Variants in SPP2 observed in about 807,000 individuals in gnomAD.
SPP2 encodes the protein secreted phosphoprotein 2.
A neutral mutation model predicts 28.8 loss-of-function variants in SPP2; 34 were observed. The observed-to-expected ratio is 1.18, with a 90% CI of 0.90 to 1.57. The LOEUF is 1.57. SPP2 is among the 40% of genes most tolerant of loss of function. The pLI, the probability that SPP2 is intolerant of heterozygous loss-of-function variation, is 0.00. For synonymous variants in SPP2, 96 were observed against 89.4 expected (o/e 1.07, Z -0.42); for missense variants, 269 against 263.9 (o/e 1.02, Z -0.13).
At chr2:234,072,766 G>A (rs1003652597) in intron 7 of SPP2, among the ~76,000 whole-genome samples, 2 of 152,128 alleles carry the variant, frequency 1.3e-5, no homozygotes, top group Non-Finnish European at 2.9e-5. Flanking sequence ...TGGAATCCAC[G>A]GGCCTGGTTC....
Position 234,058,927 on chromosome 2 carries a change from C to T in SPP2, c.302C>T (p.Ala101Val), listed in dbSNP as rs754953529. Reference sequence around the variant, plus strand: ...AGGAAGGATTCTGGAGAAGATCCCGCTACATGTGCCTTCCAGAGGGACTAC... The same window carrying T: ...AGGAAGGATTCTGGAGAAGATCCCGTTACATGTGCCTTCCAGAGGGACTAC... ...TCRKDSGEDP[A>V]TCAFQRDYYV... is the part of the protein sequence containing the mutation. Residue 101 changes from alanine (A) to valine (V), a missense_variant, in exon 3 of 8, where the codon GCT (alanine) becomes GTT (valine). Ala to Val is a moderately conservative substitution (Grantham distance 64). Coordinates refer to ENST00000168148, the MANE Select transcript of SPP2 (RefSeq NM_006944.3). 2 of 1,614,036 alleles carry T rather than the reference C, an allele frequency of 1.2e-6. No individual in the cohort carries two copies. Among genetic ancestry groups the T allele is most frequent in the Non-Finnish European group, 1.7e-6 (2 of 1,179,940 alleles).
At position 234,050,813 on chromosome 2, in the gene SPP2, G is replaced by T. The variant is rs142534488; in HGVS notation, c.27G>T (p.Thr9=). 1.7e-5 allele frequency: 27 copies of T among 1,613,862 alleles called. No individual in the cohort carries two copies. The African/African-American group carries it at 2.3e-4, about 14-fold the overall frequency. MISRMEKM[T]MMMKILIMFA... ...TGATTTCCAGAATGGAGAAGATGACGATGATGATGAAGATATTGATTATGT... is the reference window on the plus strand; with the variant it reads ...TGATTTCCAGAATGGAGAAGATGACTATGATGATGAAGATATTGATTATGT... The change falls in exon 1 of 8, where the codon ACG becomes ACT. Residue 9 remains threonine, a synonymous_variant. Transcript: ENST00000168148.
chr2:234,059,200 C>A (rs940537382), intron 3 of SPP2, among the ~76,000 whole-genome samples: 17 of 152,136 alleles, frequency 1.1e-4, no homozygotes, highest in African/African-American at 4.1e-4. Flanking sequence ...CAGTTTCCTG[C>A]TTTTTAACAT....
At chr2:234,061,136 A>T (rs565670186) in intron 4 of SPP2, among the ~76,000 whole-genome samples, 97 of 152,302 alleles carry the variant, frequency 6.4e-4, no homozygotes, top group African/African-American at 2.2e-3. Context: ...TTTTTCCTCA[A>T]TTGCATTGAA....
At chr2:234,072,061 C>T (rs895970371) in intron 7 of SPP2, among the ~76,000 whole-genome samples, 1 of 152,248 alleles carries the variant, frequency 6.6e-6, no homozygotes, top group African/African-American at 2.4e-5. Flanking sequence ...CAGCCCAGCA[C>T]ACTCAATAAA....
chr2:234,071,204 A>G (rs1345876685), intron 7 of SPP2, among the ~76,000 whole-genome samples: 2 of 152,186 alleles, frequency 1.3e-5, no homozygotes, highest in African/African-American at 4.8e-5. Context: ...TATTGATTGT[A>G]TTCTTGCATC....
chr2:234,066,218 C>T (rs1454963390), intron 4 of SPP2, among the ~76,000 whole-genome samples: 1 of 152,164 alleles, frequency 6.6e-6, no homozygotes, highest in African/African-American at 2.4e-5. Flanking sequence ...TCGATCTAAA[C>T]TTAGTCTGTG....
chr2:234,076,875 A>C lies in SPP2; in HGVS notation c.*41A>C, dbSNP rs1690908156. ...CCTCGCCCTTTTGGTTTGTTCAAGG[A>C]GCTGCTGCTTTGCATAGCTGCTCTA... On this transcript the variant is annotated 3_prime_UTR_variant, in exon 8 of 8. Coordinates refer to ENST00000168148, the MANE Select transcript of SPP2 (RefSeq NM_006944.3). The C allele has an allele frequency of 6.6e-6, 1 of 152,030 alleles. No homozygotes were observed. Among genetic ancestry groups the C allele is most frequent in the Non-Finnish European group, 1.5e-5 (1 of 68,070 alleles). 9.4% of individuals were successfully genotyped at this position (152,030 alleles called of 1,614,324 possible). A position where few individuals can be genotyped will look rare whatever the true frequency, so the allele number is the denominator to read the frequency against.
chr2:234,056,328 T>A (rs1693607240), intron 2 of SPP2: 1 of 152,222 alleles, frequency 6.6e-6, no homozygotes, highest in Non-Finnish European at 1.5e-5. Context: ...ATGCTCATCA[T>A]CACTGGCCAT....
chr2:234,060,142 G>T (rs10803669), intron 3 of SPP2, among the ~76,000 whole-genome samples: 43,170 of 152,016 alleles, frequency 0.28, 6,278 homozygotes, highest in South Asian at 0.48. Flanking sequence ...AAATGTTTGC[G>T]TTTCCTAGAG....
At chr2:234,062,350 T>C (rs942656879) in intron 4 of SPP2, among the ~76,000 whole-genome samples, 2 of 151,960 alleles carry the variant, frequency 1.3e-5, no homozygotes, top group Admixed American at 1.3e-4. Flanking sequence ...ATTTCAAGCA[T>C]AGGGGAAATC....
intron 2 of SPP2, among the ~76,000 whole-genome samples, chr2:234,053,606 C>T (rs1467896623): frequency 6.6e-6 from 1 of 151,794 alleles, no homozygotes; most frequent in East Asian, 1.9e-4. Context: ...CGGTGAAGAA[C>T]CACTGGGTAT....
intron 3 of SPP2, among the ~76,000 whole-genome samples, chr2:234,059,402 G>T (rs1290063444): frequency 6.6e-6 from 1 of 152,154 alleles, no homozygotes; most frequent in Non-Finnish European, 1.5e-5. Flanking sequence ...AACATGGCAT[G>T]TTCGCTTTCG....
intron 2 of SPP2, among the ~76,000 whole-genome samples, chr2:234,057,844 T>C (rs1446779337): frequency 6.6e-6 from 1 of 152,242 alleles, no homozygotes; most frequent in South Asian, 2.1e-4. Flanking sequence ...CTCAATTACT[T>C]ATTTCTGGAA....
chr2:234,055,254 A>C (rs1693583416), intron 2 of SPP2, among the ~76,000 whole-genome samples: 2 of 152,384 alleles, frequency 1.3e-5, no homozygotes, highest in Non-Finnish European at 2.9e-5. Context: ...GTAGGCCAGC[A>C]GGCTGGAGAT....
At chr2:234,067,079 A>G (rs909629314) in intron 5 of SPP2, 145 bp from the exon 6 acceptor site, 9 of 777,086 alleles carry the variant, frequency 1.2e-5, no homozygotes, top group East Asian at 7.6e-5. Flanking sequence ...CATTTTTCCT[A>G]TTAGTGCTGA....
At chr2:234,071,374 C>A (rs568694776) in intron 7 of SPP2, among the ~76,000 whole-genome samples, 1 of 152,312 alleles carries the variant, frequency 6.6e-6, no homozygotes, top group African/African-American at 2.4e-5. Flanking sequence ...AGAGGAGGAA[C>A]AGCCTATCTG....
At chr2:234,069,540 C>G (rs1047604943) in intron 6 of SPP2, among the ~76,000 whole-genome samples, 3 of 152,232 alleles carry the variant, frequency 2.0e-5, no homozygotes, top group Middle Eastern at 3.4e-3. Flanking sequence ...CACAGAAGTG[C>G]GGCTGTCTTG....
At chr2:234,075,770 T>C (rs1324690550) in intron 7 of SPP2, among the ~76,000 whole-genome samples, 1 of 152,130 alleles carries the variant, frequency 6.6e-6, no homozygotes, top group African/African-American at 2.4e-5. Flanking sequence ...CTCCAATCAA[T>C]GGCAGCCTGC....
Sources: gnomAD v4.1 joint callset for allele counts (sites outside exome capture counted in the v4.1 genomes callset) on GRCh38, gnomAD v4.1.1 for gene constraint, MANE v1.5 for transcripts, NCBI Gene and HGNC (gene_info 2026-07-23, HGNC 2026-07-21) for gene names.